Variants in RETREG1 observed in about 807,000 individuals in gnomAD.
RETREG1 encodes family with sequence similarity 134 member B.
In RETREG1, 44 loss-of-function variants were observed where a neutral mutation model predicts 54.8. That is an observed-to-expected ratio of 0.80 (90% CI 0.63 to 1.03). RETREG1 has a LOEUF of 1.03. Ranked by LOEUF, RETREG1 falls within the 50% of genes least tolerant of loss-of-function variation. RETREG1 has a pLI of 0.00. For synonymous variants in RETREG1, 217 were observed against 238.5 expected, an observed-to-expected ratio of 0.91 and a Z score of 0.83; for missense variants, 554 against 605.1, an observed-to-expected ratio of 0.92 and a Z score of 0.89.
chr5:16,475,083 G>A lies in RETREG1; in HGVS notation c.1152C>T (p.His384=). Residue 384 remains histidine (H), a synonymous_variant, in exon 9 of 9, where the codon CAC becomes CAT. Coordinates refer to ENST00000306320, the MANE Select transcript of RETREG1 (RefSeq NM_001034850.3). ...CTGATTGCGTCTCTTTGCTTGGTCT[G>A]TGACCACTGTCCAACTGTTCCTTCT... ...KRKKEQLDSG[H]RPSKETQSAA... 6.2e-7 allele frequency: 1 copy of A among 1,613,978 alleles called. No homozygotes were observed. The highest frequency in any genetic ancestry group is 8.5e-7 in the Non-Finnish European group (1 of 1,179,928).
Position 16,475,007 on chromosome 5 carries a change from T to A in RETREG1, c.1228A>T (p.Ser410Cys), listed in dbSNP as rs368977135. 1.5e-5 allele frequency: 25 copies of A among 1,613,546 alleles called. No individual in the cohort carries two copies. In the African/African-American group the frequency reaches 3.3e-4, roughly 22 times the overall value. ...GTGATAACATCCCCAGCCAGGTTGCTCATCAGGTGAAAGGTTTGGTCACTG... is the reference window on the plus strand; with the variant it reads ...GTGATAACATCCCCAGCCAGGTTGCACATCAGGTGAAAGGTTTGGTCACTG... Reference protein sequence around the residue: ...LNSDQTFHLMSNLAGDVITAA... With the variant: ...LNSDQTFHLMCNLAGDVITAA... Residue 410 changes from serine (S) to cysteine (C), a missense_variant, in exon 9 of 9, where the codon AGC (serine) becomes TGC (cysteine). Ser to Cys is a moderately radical substitution (Grantham distance 112). Around this residue, in one of 4 missense-constraint regions of RETREG1, gnomAD observed 347 missense variants for 412.3 expected, o/e 0.84. Transcript: ENST00000306320.
At chr5:16,508,060 C>G (rs1358574992) in intron 3 of RETREG1, among the ~76,000 whole-genome samples, 1 of 152,174 alleles carries the variant, frequency 6.6e-6, no homozygotes, top group South Asian at 2.1e-4. Context: ...AACAGTGATA[C>G]AATTAATGTA....
At chr5:16,503,337 A>G (rs962816964) in intron 3 of RETREG1, among the ~76,000 whole-genome samples, 7 of 152,126 alleles carry the variant, frequency 4.6e-5, no homozygotes, top group African/African-American at 1.7e-4. Context: ...TCTAAGAGAC[A>G]TTTTCCATGA....
chr5:16,527,800 A>ATTTTTTTT (rs386403108), intron 3 of RETREG1, among the ~76,000 whole-genome samples: 755 of 66,234 alleles, frequency 0.011, 160 homozygotes, highest in South Asian at 0.014. Flanking sequence ...AGGGACTCTA[A>ATTTTTTTT]TTTTTTTTTT....
chr5:16,557,047 C>G (rs1741728834), intron 3 of RETREG1, among the ~76,000 whole-genome samples: 1 of 152,106 alleles, frequency 6.6e-6, no homozygotes. Context: ...CTAGGCTGGT[C>G]TTGAACTCCT....
intron 2 of RETREG1, among the ~76,000 whole-genome samples, chr5:16,569,886 G>C (rs972225465): frequency 2.0e-5 from 3 of 152,220 alleles, no homozygotes; most frequent in Non-Finnish European, 2.9e-5. Flanking sequence ...GAGAAGGTCA[G>C]GTGAGCATGA....
At chr5:16,591,853 A>G (rs545867243) in intron 1 of RETREG1, among the ~76,000 whole-genome samples, 1 of 152,350 alleles carries the variant, frequency 6.6e-6, no homozygotes, top group Non-Finnish European at 1.5e-5. Flanking sequence ...AACAAGAATA[A>G]AAGAATAGAT....
chr5:16,610,206 G>T (rs952136520), intron 1 of RETREG1, among the ~76,000 whole-genome samples: 4 of 152,202 alleles, frequency 2.6e-5, no homozygotes, highest in Non-Finnish European at 4.4e-5. Flanking sequence ...GGTAGGTCCT[G>T]CTGGCATTCA....
At chr5:16,517,588 C>A (rs1207808112) in intron 3 of RETREG1, among the ~76,000 whole-genome samples, 1 of 152,138 alleles carries the variant, frequency 6.6e-6, no homozygotes, top group Non-Finnish European at 1.5e-5. Context: ...GTCCCATCAA[C>A]CCTAACATAT....
At chr5:16,571,415 C>T (rs1192279752) in intron 2 of RETREG1, among the ~76,000 whole-genome samples, 1 of 152,092 alleles carries the variant, frequency 6.6e-6, no homozygotes, top group African/African-American at 2.4e-5. Context: ...CTAGCTCGAA[C>T]AGTGGTACAA....
At chr5:16,587,941 T>C (rs557410135) in intron 1 of RETREG1, among the ~76,000 whole-genome samples, 5 of 152,182 alleles carry the variant, frequency 3.3e-5, no homozygotes, top group Non-Finnish European at 7.3e-5. Flanking sequence ...CACACCCTAA[T>C]AACCCACTGT....
chr5:16,558,605 C>A (rs1339657297), intron 3 of RETREG1, among the ~76,000 whole-genome samples: 1 of 152,142 alleles, frequency 6.6e-6, no homozygotes, highest in Non-Finnish European at 1.5e-5. Flanking sequence ...AATATGATGC[C>A]TTATTAACAA....
intron 1 of RETREG1, among the ~76,000 whole-genome samples, chr5:16,587,523 G>A (rs1483094535): frequency 1.3e-5 from 2 of 152,174 alleles, no homozygotes; most frequent in Non-Finnish European, 2.9e-5. Flanking sequence ...GAGCAGAGTT[G>A]AAAAGTAATT....
Position 16,474,705 on chromosome 5 carries a change from G to GTTTTTTTTT in RETREG1, c.*35_*36insAAAAAAAAA. 7 of 1,453,194 alleles carry GTTTTTTTTT rather than the reference G, an allele frequency of 4.8e-6. No individual in the cohort carries two copies. The highest frequency in any genetic ancestry group is 5.1e-5 in the East Asian group (2 of 39,532). The allele number at this position is 1,453,194 out of a possible 1,614,324, so 90.0% of individuals were successfully genotyped here. ...TTTTTTCTTGTTTGAAATTTTTTTG[G>GTTTTTTTTT]TGTTTTTTGTGCTCTGTTGCAAGCT... On this transcript the variant is annotated 3_prime_UTR_variant, in exon 9 of 9. Coordinates refer to ENST00000306320, the MANE Select transcript of RETREG1 (RefSeq NM_001034850.3).
intron 3 of RETREG1, among the ~76,000 whole-genome samples, chr5:16,523,619 C>T (rs1740605698): frequency 6.6e-6 from 1 of 152,018 alleles, no homozygotes; most frequent in South Asian, 2.1e-4. Flanking sequence ...TTATTTTTCC[C>T]TTTCCATCCT....
intron 1 of RETREG1, among the ~76,000 whole-genome samples, chr5:16,575,570 C>T (rs1484337544): frequency 6.6e-6 from 1 of 152,238 alleles, no homozygotes; most frequent in East Asian, 1.9e-4. Context: ...GCCAGGACTG[C>T]AACCCACAGG....
Position 16,522,217 on chromosome 5 carries a change from GA to G in RETREG1, c.459-38746del, listed in dbSNP as rs570124423. ...AGCAACACCCTGATCTTGATATGTG[GA>G]AAAAAAAAAAAGGCCTTGATTTATG... On this transcript the variant is annotated intron_variant, in intron 3 of 8. Coordinates refer to ENST00000306320, the MANE Select transcript of RETREG1 (RefSeq NM_001034850.3). Among the ~76,000 whole-genome samples, 1,306 of 142,306 alleles carry G rather than the reference GA, an allele frequency of 9.2e-3. 25 individuals carry two copies. Among genetic ancestry groups the G allele is most frequent in the African/African-American group, 0.03 (1,155 of 39,066 alleles). 93.4% of individuals were successfully genotyped at this position (142,306 alleles called of 152,430 possible). A position where few individuals can be genotyped will look rare whatever the true frequency, so the allele number is the denominator to read the frequency against.
chr5:16,508,775 C>T, intron 3 of RETREG1: 1 of 1,489,420 alleles, frequency 6.7e-7, no homozygotes, highest in Non-Finnish European at 8.9e-7. Flanking sequence ...GTGCTCCTCC[C>T]TTACTCAGAA....
chr5:16,520,317 G>GTTT (rs1239879242), intron 3 of RETREG1, among the ~76,000 whole-genome samples: 1 of 84,834 alleles, frequency 1.2e-5, no homozygotes, highest in African/African-American at 4.3e-5. Flanking sequence ...GGGTTTTGTG[G>GTTT]TTTTTTTTTT....
Sources: gnomAD v4.1 joint callset for allele counts (sites outside exome capture counted in the v4.1 genomes callset) on GRCh38, gnomAD v4.1.1 for gene constraint, gnomAD v4.1.1 regional missense constraint, MANE v1.5 for transcripts, NCBI Gene and HGNC (gene_info 2026-07-23, HGNC 2026-07-21) for gene names.